The following RCC2 variants were observed in gnomAD, a reference collection of about 807,000 sequenced individuals.
The protein encoded by RCC2 is protein RCC2.
A neutral mutation model predicts 64.1 loss-of-function variants in RCC2; 19 were observed. That is an observed-to-expected ratio of 0.30 (90% confidence interval 0.21 to 0.44). The LOEUF (loss-of-function observed/expected upper bound fraction) is 0.44. Ranked by LOEUF, RCC2 falls within the 20% of genes least tolerant of loss-of-function variation. The probability of loss-of-function intolerance (pLI) is 1.00; values close to 1 mark genes in which losing one functional copy is unlikely to be tolerated. For synonymous variants in RCC2, 325 were observed against 279.6 expected (o/e 1.16, Z -1.62); for missense variants, 508 against 710.4 (o/e 0.72, Z 3.24).
chr1:17,413,618 C>G lies in RCC2; in HGVS notation c.1126G>C (p.Val376Leu). 6.2e-7 allele frequency: 1 copy of G among 1,614,174 alleles called. No individual in the cohort carries two copies. Among genetic ancestry groups the G allele is most frequent in the Admixed American group, 1.7e-5 (1 of 60,018 alleles). ...EQKDEMVPRL[V>L]KLFDFPGRGA... ...CGCCCAGGGAAGTCAAACAGCTTCA[C>G]CAGGCGGGGGACCATCTCATCCTTC... The change falls in exon 9 of 13, where the codon GTG (valine) becomes CTG (leucine). Residue 376 changes from valine to leucine, a missense_variant. By Grantham distance (32) the Val-to-Leu change is conservative. This residue lies in a region of RCC2 where 179 missense variants were observed against 322.0 expected (regional missense o/e 0.56). Transcript: ENST00000375436.
rs543907975 is a variant in RCC2, at chr1:17,416,923, C to T, written c.860-277G>A. ...AATACTCTACACATAATAATGGCAC[C>T]ATGTTACAACAATTCCAGGTAAGGT... On this transcript the variant is annotated intron_variant, in intron 7 of 12. Coordinates refer to ENST00000375436, the MANE Select transcript of RCC2 (RefSeq NM_018715.4). 1.3e-3 allele frequency among the ~76,000 whole-genome samples: 198 copies of T among 152,272 alleles called. No individual in the cohort carries two copies. The Middle Eastern group carries it at 0.014, about 10-fold the overall frequency.
intron 12 of RCC2, 26 bp downstream of exon 12, chr1:17,409,948 G>C: frequency 6.2e-7 from 1 of 1,601,722 alleles, no homozygotes. Context: ...ACACGTCCCC[G>C]AGCTGGCACA....
intron 3 of RCC2, among the ~76,000 whole-genome samples, chr1:17,428,776 T>C (rs2075645370): frequency 6.6e-6 from 1 of 152,206 alleles, no homozygotes; most frequent in Non-Finnish European, 1.5e-5. Context: ...TCTGACACCA[T>C]CTCACAGACC....
At chr1:17,416,761 G>A in intron 7 of RCC2, 115 bp from the exon 8 acceptor site, 1 of 1,069,998 alleles carries the variant, frequency 9.3e-7, no homozygotes, top group Non-Finnish European at 1.3e-6. Context: ...GCCCTTCTGG[G>A]CCTTAGACCA....
In RCC2 at chr1:17,407,724, TGAA is replaced by T. The variant is rs2075377851; in HGVS notation, c.*1363_*1365del. The T allele has an allele frequency of 6.6e-6, 1 of 151,978 alleles. No homozygotes were observed. Among genetic ancestry groups the T allele is most frequent in the South Asian group, 2.1e-4 (1 of 4,804 alleles). 9.4% of individuals were successfully genotyped at this position (151,978 alleles called of 1,614,324 possible). Reference sequence around the variant, plus strand: ...AACAAAGCAAAAGAAAAAAAAAACTTGAAGAGACCAATATTTAACTTTCCCATC... The same window carrying T: ...AACAAAGCAAAAGAAAAAAAAAACTTGAGACCAATATTTAACTTTCCCATC... On this transcript the variant is annotated 3_prime_UTR_variant, in exon 13 of 13. Transcript: ENST00000375436.
At chr1:17,438,060 T>C (rs958242994) in intron 2 of RCC2, among the ~76,000 whole-genome samples, 170 bp downstream of exon 2, 1 of 144,034 alleles carries the variant, frequency 6.9e-6, no homozygotes, top group Non-Finnish European at 1.5e-5. Context: ...ACCGAGCCCT[T>C]TTGTTGCGCG....
chr1:17,414,356 C>G (rs997873299), intron 8 of RCC2, among the ~76,000 whole-genome samples: 1 of 151,748 alleles, frequency 6.6e-6, no homozygotes, highest in Non-Finnish European at 1.5e-5. Flanking sequence ...ATGGTGAAAC[C>G]CATCTCTACT....
At chr1:17,426,908 G>C (rs899760027) in intron 3 of RCC2, among the ~76,000 whole-genome samples, 1 of 151,946 alleles carries the variant, frequency 6.6e-6, no homozygotes, top group Non-Finnish European at 1.5e-5. Context: ...GATTACAGGC[G>C]TGTGCCATCA....
rs1557618699 is a variant in RCC2 at position 17,409,196 on chromosome 1, T to TG, written c.1465-3dup. 2 of 1,603,132 alleles carry TG rather than the reference T, an allele frequency of 1.2e-6. No homozygotes were observed. The highest frequency in any genetic ancestry group is 8.5e-7 in the Non-Finnish European group (1 of 1,169,950). On this transcript the variant is annotated splice_polypyrimidine_tract_variant and splice_region_variant and intron_variant, in intron 12 of 12. Transcript: ENST00000375436. Reference sequence around the variant, plus strand: ...GGAGTGTGAGTAGCCCATGGCGACCTGGGGGGACAAATCAGCGTTGGGTGT... The same window carrying TG: ...GGAGTGTGAGTAGCCCATGGCGACCTGGGGGGGACAAATCAGCGTTGGGTGT...
At chr1:17,430,687 C>T (rs1349617192) in intron 2 of RCC2, among the ~76,000 whole-genome samples, 1 of 152,048 alleles carries the variant, frequency 6.6e-6, no homozygotes, top group African/African-American at 2.4e-5. Flanking sequence ...ACTCCAGAGG[C>T]TGAGGTAGAA....
At chr1:17,427,204 G>A (rs11590075) in intron 3 of RCC2, among the ~76,000 whole-genome samples, 7 of 152,186 alleles carry the variant, frequency 4.6e-5, no homozygotes, top group Non-Finnish European at 7.3e-5. Context: ...TCTATCAAGC[G>A]CCTGGCTGCC....
intron 6 of RCC2, 80 bp downstream of exon 6, chr1:17,422,123 C>G (rs533624847): frequency 5.6e-4 from 569 of 1,010,890 alleles, no homozygotes; most frequent in Non-Finnish European, 7.9e-4. Flanking sequence ...TTAACTCAAA[C>G]GGAGACCCCA....
chr1:17,427,552 C>T (rs935136517), intron 3 of RCC2, among the ~76,000 whole-genome samples: 2 of 152,140 alleles, frequency 1.3e-5, no homozygotes, highest in African/African-American at 4.8e-5. Flanking sequence ...AAGAGAAACC[C>T]AAGGTCTCTT....
chr1:17,419,577 C>A (rs888385563), intron 7 of RCC2, among the ~76,000 whole-genome samples: 1 of 152,240 alleles, frequency 6.6e-6, no homozygotes, highest in African/African-American at 2.4e-5. Context: ...TTCCAAACTA[C>A]CTGCAAGTTG....
intron 11 of RCC2, among the ~76,000 whole-genome samples, chr1:17,410,467 A>G (rs1425718649): frequency 6.6e-6 from 1 of 152,232 alleles, no homozygotes; most frequent in Non-Finnish European, 1.5e-5. Flanking sequence ...GAGTGGAATA[A>G]TCACCATCCA....
intron 10 of RCC2, among the ~76,000 whole-genome samples, 184 bp downstream of exon 10, chr1:17,412,889 G>C (rs768625038): frequency 1.5e-4 from 23 of 152,316 alleles, no homozygotes; most frequent in East Asian, 5.8e-4. Flanking sequence ...TGTTCTAGCA[G>C]CAAATGGGCC....
At chr1:17,410,164 C>T in intron 11 of RCC2, 113 bp from the exon 12 acceptor site, 1 of 891,712 alleles carries the variant, frequency 1.1e-6, no homozygotes, top group Non-Finnish European at 1.8e-6. Flanking sequence ...GTGATGATGC[C>T]CTCTGGCCCA....
In RCC2 at chr1:17,407,540, C is replaced by G. The variant is rs1185285369; in HGVS notation, c.*1550G>C. ...AAGTCTTAGAGAGATGCAGGCCAGT[C>G]TCCTCCCACAGGGCCTTGGGACTGG... is the stretch of plus-strand genomic sequence containing the variant. On this transcript the variant is annotated 3_prime_UTR_variant, in exon 13 of 13. Coordinates refer to ENST00000375436, the MANE Select transcript of RCC2 (RefSeq NM_018715.4). 1 of 152,580 alleles carries G rather than the reference C, an allele frequency of 6.6e-6. No individual in the cohort carries two copies. The highest frequency in any genetic ancestry group is 1.5e-5 in the Non-Finnish European group (1 of 68,040). The allele number at this position is 152,580 out of a possible 1,614,324, so 9.5% of individuals were successfully genotyped here.
intron 7 of RCC2, among the ~76,000 whole-genome samples, chr1:17,419,521 T>C (rs1323883230): frequency 6.6e-6 from 1 of 152,224 alleles, no homozygotes; most frequent in Non-Finnish European, 1.5e-5. Context: ...TTAAAGCAAG[T>C]AATACGCTGA....
Sources: allele counts gnomAD v4.1 joint callset (sites outside exome capture counted in the v4.1 genomes callset), GRCh38; gene constraint gnomAD v4.1.1; regional missense constraint gnomAD v4.1.1; transcripts MANE v1.5; gene names NCBI Gene and HGNC (gene_info 2026-07-23, HGNC 2026-07-21).